The following PRICKLE2 variants were observed in gnomAD, a reference collection of about 807,000 sequenced individuals.
The protein encoded by PRICKLE2 is prickle planar cell polarity protein 2.
PRICKLE2 carries 21 observed loss-of-function variants against 81.4 expected under a neutral mutation model. The ratio of observed to expected loss-of-function variants is 0.26; its 90% CI spans 0.18 to 0.37. The LOEUF is 0.37. Ranked by LOEUF, PRICKLE2 falls within the 10% of genes least tolerant of loss-of-function variation. PRICKLE2 has a pLI of 1.00. For missense variants in PRICKLE2, 940 were observed against 1,109.0 expected (o/e 0.85, Z 2.16); for synonymous variants, 456 against 421.5 (o/e 1.08, Z -1.00).
At chr3:64,101,832 C>G (rs1398305094) in intron 7 of PRICKLE2, 2 of 152,094 alleles carry the variant, frequency 1.3e-5, no homozygotes, top group African/African-American at 4.8e-5. Context: ...TGGGGGAGAG[C>G]ATTGTTTTAA....
At chr3:64,131,061 C>A (rs535486656) in intron 7 of PRICKLE2, among the ~76,000 whole-genome samples, 1 of 152,202 alleles carries the variant, frequency 6.6e-6, no homozygotes, top group Admixed American at 6.5e-5. Flanking sequence ...TTAACCAGAG[C>A]AAAGCTGAGT....
At chr3:64,115,988 C>A (rs920646331) in intron 7 of PRICKLE2, among the ~76,000 whole-genome samples, 1 of 152,110 alleles carries the variant, frequency 6.6e-6, no homozygotes, top group African/African-American at 2.4e-5. Context: ...GAAATCATAA[C>A]AAACAATCTC....
At chr3:64,117,598 A>C (rs1299549875) in intron 7 of PRICKLE2, among the ~76,000 whole-genome samples, 1 of 152,212 alleles carries the variant, frequency 6.6e-6, no homozygotes, top group Non-Finnish European at 1.5e-5. Context: ...ACTCCCATTC[A>C]CAATTGCCAC....
Position 64,205,117 on chromosome 3 carries a change from C to A in PRICKLE2, c.-40-6150G>T, listed in dbSNP as rs937873902. On this transcript the variant is annotated intron_variant, in intron 1 of 7. Coordinates refer to ENST00000638394, the MANE Select transcript of PRICKLE2 (RefSeq NM_198859.4). Reference sequence around the variant, plus strand: ...GGATTTCGTTAAAAAAAAAAAAAAACATACAAAGGGTGCATTGGCTTCATT... The same window carrying A: ...GGATTTCGTTAAAAAAAAAAAAAAAAATACAAAGGGTGCATTGGCTTCATT... Among the ~76,000 whole-genome samples the A allele has an allele frequency of 3.0e-3, 312 of 104,390 alleles. 1 individual carries two copies. Among genetic ancestry groups the A allele is most frequent in the East Asian group, 7.2e-3 (20 of 2,778 alleles). 68.5% of individuals were successfully genotyped at this position (104,390 alleles called of 152,430 possible). A position where few individuals can be genotyped will look rare whatever the true frequency, so the allele number is the denominator to read the frequency against.
intron 7 of PRICKLE2, among the ~76,000 whole-genome samples, chr3:64,121,541 GA>G (rs11313134): frequency 0.04 from 5,876 of 147,748 alleles, 336 homozygotes; most frequent in East Asian, 0.27. Context: ...TAAGGCAAAA[GA>G]AAAAAAAAAA....
chr3:64,253,049 C>T (rs2079472709), intron 2 of PRICKLE2, among the ~76,000 whole-genome samples: 1 of 152,150 alleles, frequency 6.6e-6, no homozygotes, highest in Non-Finnish European at 1.5e-5. Context: ...GTATAAGATT[C>T]ACCTCCCACC....
chr3:64,134,675 A>G (rs1325552765), intron 7 of PRICKLE2, among the ~76,000 whole-genome samples: 1 of 148,082 alleles, frequency 6.8e-6, no homozygotes, highest in Non-Finnish European at 1.5e-5. Flanking sequence ...ACCCCCACCC[A>G]TCTCTGTTGA....
intron 7 of PRICKLE2, among the ~76,000 whole-genome samples, chr3:64,137,566 G>T (rs535551199): frequency 1.3e-5 from 2 of 152,286 alleles, no homozygotes; most frequent in East Asian, 3.9e-4. Context: ...CACTGGAAAA[G>T]GTTCTCCGGG....
intron 2 of PRICKLE2, among the ~76,000 whole-genome samples, chr3:64,266,575 A>G (rs2079712921): frequency 6.6e-6 from 1 of 152,212 alleles, no homozygotes; most frequent in Non-Finnish European, 1.5e-5. Context: ...TTCACTGCCC[A>G]GCTCACTTGA....
intron 1 of PRICKLE2, among the ~76,000 whole-genome samples, chr3:64,209,751 C>G (rs1458474038): frequency 6.6e-6 from 1 of 152,180 alleles, no homozygotes. Context: ...AGCTTTGAAC[C>G]AAGTGAGGAA....
At chr3:64,233,917 A>T (rs1195522966) in intron 2 of PRICKLE2, among the ~76,000 whole-genome samples, 1 of 152,178 alleles carries the variant, frequency 6.6e-6, no homozygotes, top group Non-Finnish European at 1.5e-5. Flanking sequence ...ATTTTATATT[A>T]GTGAAAACAT....
intron 7 of PRICKLE2, among the ~76,000 whole-genome samples, chr3:64,130,583 T>A (rs1379143348): frequency 6.6e-6 from 1 of 152,178 alleles, no homozygotes; most frequent in Non-Finnish European, 1.5e-5. Context: ...GAGTGCTAAT[T>A]CTGTCTCACA....
chr3:64,233,699 T>C lies in PRICKLE2; in HGVS notation c.129-34732A>G, dbSNP rs549404123. On this transcript the variant is annotated intron_variant, in intron 2 of 8. Coordinates refer to the PRICKLE2 transcript ENST00000295902. ...TAGATCCTTTTAAGAAGAGTTATAT[T>C]GAAATATAATTAATATACTATACAG... Among the ~76,000 whole-genome samples the C allele has an allele frequency of 7.0e-4, 106 of 152,308 alleles. 1 individual carries two copies. The highest frequency in any genetic ancestry group is 2.4e-3 in the African/African-American group (101 of 41,562).
intron 7 of PRICKLE2, among the ~76,000 whole-genome samples, chr3:64,133,693 T>C (rs1185501231): frequency 1.3e-5 from 2 of 152,144 alleles, no homozygotes; most frequent in African/African-American, 2.4e-5. Flanking sequence ...AGGGGTAACA[T>C]GGGCATAATT....
At chr3:64,241,676 G>A (rs2079267463) in intron 2 of PRICKLE2, among the ~76,000 whole-genome samples, 1 of 152,174 alleles carries the variant, frequency 6.6e-6, no homozygotes, top group Non-Finnish European at 1.5e-5. Flanking sequence ...ACTTGAGCAA[G>A]ACCTTGACCA....
At chr3:64,164,413 T>C (rs954178869) in intron 2 of PRICKLE2, among the ~76,000 whole-genome samples, 2 of 152,194 alleles carry the variant, frequency 1.3e-5, no homozygotes, top group African/African-American at 4.8e-5. Flanking sequence ...TCTAATTCCT[T>C]TGCATTTAGG....
At chr3:64,176,371 C>T (rs1255727484) in intron 2 of PRICKLE2, among the ~76,000 whole-genome samples, 1 of 152,156 alleles carries the variant, frequency 6.6e-6, no homozygotes, top group Non-Finnish European at 1.5e-5. Flanking sequence ...CTTTTCTGTG[C>T]ATTTTAAATC....
At chr3:64,189,512 A>G (rs1461077795) in intron 2 of PRICKLE2, among the ~76,000 whole-genome samples, 1 of 152,206 alleles carries the variant, frequency 6.6e-6, no homozygotes, top group African/African-American at 2.4e-5. Context: ...CCACACGGGC[A>G]CTAGAGTCAG....
intron 4 of PRICKLE2, among the ~76,000 whole-genome samples, chr3:64,159,713 G>A (rs897689211): frequency 1.3e-5 from 2 of 152,088 alleles, no homozygotes; most frequent in African/African-American, 4.8e-5. Context: ...GTACATTCAA[G>A]TCTCCTTCCT....
Sources: gnomAD v4.1 joint callset for allele counts (sites outside exome capture counted in the v4.1 genomes callset) on GRCh38, gnomAD v4.1.1 for gene constraint, MANE v1.5 for transcripts, NCBI Gene and HGNC (gene_info 2026-07-23, HGNC 2026-07-21) for gene names.